ABL2: variants seen among roughly 807,000 people sequenced by gnomAD.
ABL2 encodes ABL proto-oncogene 2, non-receptor tyrosine kinase, also known as tyrosine-protein kinase ABL2.
In ABL2, 49 loss-of-function variants were observed where a neutral mutation model predicts 107.7. The observed-to-expected ratio is 0.45, with a 90% CI of 0.36 to 0.58. The LOEUF (loss-of-function observed/expected upper bound fraction) is 0.58, where lower values mean the gene tolerates loss of function less well. ABL2 is among the 20% of genes least tolerant of loss of function. The probability of loss-of-function intolerance (pLI) is 0.00; values close to 1 mark genes in which losing one functional copy is unlikely to be tolerated. For missense variants in ABL2, 1,245 were observed against 1,457.0 expected (o/e 0.85, Z 2.37); for synonymous variants, 549 against 548.6 (o/e 1.00, Z -0.01).
chr1:179,109,507 G>A (rs1283594699), intron 11 of ABL2, 66 bp from the exon 12 acceptor site: 34 of 1,529,564 alleles, frequency 2.2e-5, no homozygotes, highest in South Asian at 2.2e-4. Flanking sequence ...TTGAGTTACC[G>A]AGGCTGCATT....
At position 179,118,780 on chromosome 1, in the gene ABL2, T is replaced by C. The variant is rs183549546; in HGVS notation, c.1046-16A>G. The C allele has an allele frequency of 7.4e-5, 120 of 1,611,466 alleles. No homozygotes were observed. In the East Asian group the frequency reaches 1.3e-3, roughly 18 times the overall value. ...GTACACACACCTAAAAGTTGAACAA[T>C]AGTGCTTGTTTTTATTAGTGTACAT... is the stretch of plus-strand genomic sequence containing the variant. On this transcript the variant is annotated splice_polypyrimidine_tract_variant and intron_variant, in intron 6 of 11. Transcript: ENST00000502732.
intron 1 of ABL2, among the ~76,000 whole-genome samples, chr1:179,200,103 G>A (rs1661579509): frequency 1.4e-5 from 2 of 140,644 alleles, no homozygotes; most frequent in African/African-American, 5.3e-5. Context: ...CTAGAGTGCA[G>A]TGGTACAGCC....
At chr1:179,164,850 C>G (rs529734638) in intron 1 of ABL2, among the ~76,000 whole-genome samples, 4 of 152,142 alleles carry the variant, frequency 2.6e-5, no homozygotes, top group Non-Finnish European at 4.4e-5. Context: ...ATTCCAAGAC[C>G]GCCAGTGGAT....
intron 6 of ABL2, 50 bp from the exon 7 acceptor site, chr1:179,118,814 T>G (rs758898506): frequency 6.4e-7 from 1 of 1,569,272 alleles, no homozygotes; most frequent in South Asian, 1.1e-5. Context: ...ATTCAAACAC[T>G]CCAAACCACT....
At chr1:179,205,029 CTTT>C (rs752957278) in intron 1 of ABL2, among the ~76,000 whole-genome samples, 1 of 138,200 alleles carries the variant, frequency 7.2e-6, no homozygotes, top group Non-Finnish European at 1.6e-5. Context: ...AACTCTTTTT[CTTT>C]TTTTTTTTTT....
At chr1:179,152,842 A>T (rs1490513234) in intron 1 of ABL2, among the ~76,000 whole-genome samples, 2 of 152,238 alleles carry the variant, frequency 1.3e-5, no homozygotes, top group Non-Finnish European at 2.9e-5. Flanking sequence ...GAACAGACAG[A>T]TTCAAGAAAT....
Position 179,229,649 on chromosome 1 carries a change from G to GCCGCCA in ABL2, c.-258_-253dup, listed in dbSNP as rs1021424329. 3.1e-5 allele frequency: 15 copies of GCCGCCA among 480,638 alleles called. No individual in the cohort carries two copies. The highest frequency in any genetic ancestry group is 4.6e-5 in the Non-Finnish European group (13 of 281,408). 29.8% of individuals were successfully genotyped at this position (480,638 alleles called of 1,614,324 possible). On this transcript the variant is annotated 5_prime_UTR_variant, in exon 1 of 12. Transcript: ENST00000502732. Reference sequence around the variant, plus strand: ...CGCCCCCAACGCCGCCGCCGCCGCCGCCGCCACCGCCGCCGCCATCTTTAA... The same window carrying GCCGCCA: ...CGCCCCCAACGCCGCCGCCGCCGCCGCCGCCACCGCCACCGCCGCCGCCATCTTTAA...
chr1:179,174,085 C>G (rs561614990), intron 1 of ABL2, among the ~76,000 whole-genome samples: 1 of 151,868 alleles, frequency 6.6e-6, no homozygotes, highest in African/African-American at 2.4e-5. Context: ...GTCAGGAGAT[C>G]AAGACCATCC....
intron 1 of ABL2, among the ~76,000 whole-genome samples, chr1:179,203,652 C>T (rs999496210): frequency 2.6e-5 from 4 of 152,142 alleles, no homozygotes; most frequent in Non-Finnish European, 5.9e-5. Flanking sequence ...TAGGCAATAG[C>T]TTACAGTTAG....
At chr1:179,186,350 G>C (rs1660684111) in intron 1 of ABL2, among the ~76,000 whole-genome samples, 1 of 151,994 alleles carries the variant, frequency 6.6e-6, no homozygotes, top group Admixed American at 6.6e-5. Flanking sequence ...TGTGTGTTTG[G>C]GTTTATCAGC....
At chr1:179,156,817 G>T (rs1008645955) in intron 1 of ABL2, among the ~76,000 whole-genome samples, 27 of 152,182 alleles carry the variant, frequency 1.8e-4, no homozygotes, top group African/African-American at 6.5e-4. Flanking sequence ...AACAGAGGCT[G>T]CAGTGAGCTG....
intron 4 of ABL2, among the ~76,000 whole-genome samples, chr1:179,123,472 TCTAG>T (rs1655421067): frequency 6.6e-6 from 1 of 152,048 alleles, no homozygotes; most frequent in Admixed American, 6.6e-5. Context: ...GCCACTGCAT[TCTAG>T]AGTGGGTGAC....
chr1:179,115,024 C>A lies in ABL2; in HGVS notation c.1415G>T (p.Gly472Val). 1 of 1,597,078 alleles carries A rather than the reference C, an allele frequency of 6.3e-7. No individual in the cohort carries two copies. The highest frequency in any genetic ancestry group is 8.5e-7 in the Non-Finnish European group (1 of 1,173,434). The change falls in exon 9 of 12, where the codon GGG becomes GTG. Residue 472 changes from glycine (G) to valine (V), a missense_variant. Transcript: ENST00000502732. ...FSIKSDVWAF[G>V]VLLWEIATYG... The stretch of plus-strand genomic sequence containing the variant: ...GGTAGCAATTTCCCACAACAATACC[C>A]CAAAAGCTGCATAAGGAATTAAAAA...
At chr1:179,188,506 C>T (rs1167558925) in intron 1 of ABL2, among the ~76,000 whole-genome samples, 2 of 152,172 alleles carry the variant, frequency 1.3e-5, no homozygotes, top group Non-Finnish European at 2.9e-5. Context: ...GAGATCACAC[C>T]ACCACACTCC....
intron 4 of ABL2, among the ~76,000 whole-genome samples, chr1:179,122,395 C>T (rs1318108105): frequency 6.6e-6 from 1 of 151,620 alleles, no homozygotes; most frequent in Non-Finnish European, 1.5e-5. Context: ...GCTGAGATTA[C>T]AGACTGGGCC....
At position 179,103,435 on chromosome 1, in the gene ABL2, A is replaced by C. The variant is rs1653263117; in HGVS notation, c.*4283T>G. On this transcript the variant is annotated 3_prime_UTR_variant, in exon 12 of 12. Transcript: ENST00000502732. ...ATTTTCTCAAAGTGCTGTCATATAC[A>C]TTATCTCATAGTCATTAAAATAATG... is the stretch of plus-strand genomic sequence containing the variant. The C allele has an allele frequency of 4.9e-6, 1 of 203,330 alleles. No homozygotes were observed. Among genetic ancestry groups the C allele is most frequent in the East Asian group, 7.6e-5 (1 of 13,108 alleles). 12.6% of individuals were successfully genotyped at this position (203,330 alleles called of 1,614,324 possible). A position where few individuals can be genotyped will look rare whatever the true frequency, so the allele number is the denominator to read the frequency against.
At chr1:179,227,000 T>C (rs1167117158) in intron 1 of ABL2, among the ~76,000 whole-genome samples, 1 of 152,196 alleles carries the variant, frequency 6.6e-6, no homozygotes, top group Non-Finnish European at 1.5e-5. Context: ...GTTTGTTGAA[T>C]GAATGAAAGG....
intron 3 of ABL2, among the ~76,000 whole-genome samples, chr1:179,127,026 A>G (rs541942762): frequency 4.6e-5 from 7 of 152,362 alleles, no homozygotes; most frequent in Admixed American, 2.6e-4. Context: ...TCAAAAGAAG[A>G]AAATTCACTT....
intron 1 of ABL2, chr1:179,221,791 A>G (rs1662878761): frequency 5.3e-6 from 1 of 189,016 alleles, no homozygotes; most frequent in Non-Finnish European, 1.1e-5. Context: ...AGAGGATTTT[A>G]CCAAAAAAAA....
Sources: gnomAD v4.1 joint callset for allele counts (sites outside exome capture counted in the v4.1 genomes callset) on GRCh38, gnomAD v4.1.1 for gene constraint, MANE v1.5 for transcripts, NCBI Gene and HGNC (gene_info 2026-07-23, HGNC 2026-07-21) for gene names.